Variants in DGKI observed in about 807,000 individuals in gnomAD.
DGKI encodes the protein DAG kinase iota.
In DGKI, 55 loss-of-function variants were observed where a neutral mutation model predicts 147.5. The observed-to-expected ratio is 0.37, with a 90% CI of 0.30 to 0.47. DGKI has a LOEUF of 0.47. DGKI is among the 20% of genes least tolerant of loss of function. The pLI, the probability that DGKI is intolerant of heterozygous loss-of-function variation, is 1.00. For synonymous variants in DGKI, 469 were observed against 477.1 expected, an observed-to-expected ratio of 0.98 and a Z score of 0.22; for missense variants, 1,007 against 1,323.8, an observed-to-expected ratio of 0.76 and a Z score of 3.71.
chr7:137,743,328 T>C (rs1374325967), intron 1 of DGKI, among the ~76,000 whole-genome samples: 1 of 152,182 alleles, frequency 6.6e-6, no homozygotes, highest in Non-Finnish European at 1.5e-5. Context: ...AGAAAATACA[T>C]TCTTCTCATC....
At chr7:137,433,215 A>T (rs560276479) in intron 28 of DGKI, among the ~76,000 whole-genome samples, 1 of 152,348 alleles carries the variant, frequency 6.6e-6, no homozygotes, top group Non-Finnish European at 1.5e-5. Flanking sequence ...GGCAAACAAA[A>T]ATGCAAACAA....
chr7:137,534,144 T>A (rs1817437960), intron 20 of DGKI, among the ~76,000 whole-genome samples: 1 of 152,018 alleles, frequency 6.6e-6, no homozygotes, highest in African/African-American at 2.4e-5. Context: ...CCAAAATAAT[T>A]GGATTATTTG....
rs146159043 is a variant in DGKI, at chr7:137,654,490, C to A, written c.738+242G>T. On this transcript the variant is annotated intron_variant, in intron 5 of 32. Coordinates refer to ENST00000614521, the MANE Select transcript of DGKI (RefSeq NM_001321708.2). ...TCTATCACTACCACCTTCCTCTAGT[C>A]TCTGGTTCATTTGGTAAGACCTTAA... is the stretch of plus-strand genomic sequence containing the variant. 8.5e-4 allele frequency among the ~76,000 whole-genome samples: 129 copies of A among 152,352 alleles called. No homozygotes were observed. The East Asian group carries it at 0.022, about 26-fold the overall frequency.
intron 30 of DGKI, among the ~76,000 whole-genome samples, chr7:137,404,855 G>A (rs957733139): frequency 1.3e-5 from 2 of 152,132 alleles, no homozygotes; most frequent in African/African-American, 4.8e-5. Flanking sequence ...GTCAATGCGG[G>A]GTGATGAGAA....
chr7:137,533,963 C>T (rs1330306503), intron 20 of DGKI, among the ~76,000 whole-genome samples: 1 of 152,070 alleles, frequency 6.6e-6, no homozygotes, highest in African/African-American at 2.4e-5. Flanking sequence ...AATGTAGCAT[C>T]AACGAGTACT....
At chr7:137,714,987 A>ATCCC (rs1312588414) in intron 1 of DGKI, among the ~76,000 whole-genome samples, 11 of 151,922 alleles carry the variant, frequency 7.2e-5, no homozygotes, top group Admixed American at 3.3e-4. Flanking sequence ...GTTATCCTCC[A>ATCCC]TCCCTCCTTC....
intron 15 of DGKI, 96 bp downstream of exon 15, chr7:137,581,754 T>G: frequency 9.6e-7 from 1 of 1,041,702 alleles, no homozygotes; most frequent in Non-Finnish European, 1.5e-6. Context: ...TGAAGCACAC[T>G]GTAAACGCGT....
At chr7:137,812,837 A>G (rs932502782) in intron 1 of DGKI, among the ~76,000 whole-genome samples, 1 of 152,198 alleles carries the variant, frequency 6.6e-6, no homozygotes, top group African/African-American at 2.4e-5. Flanking sequence ...TTTGTGTGAT[A>G]CTAATTAGGT....
chr7:137,428,287 C>A (rs1419593446), intron 28 of DGKI, among the ~76,000 whole-genome samples: 3 of 152,034 alleles, frequency 2.0e-5, no homozygotes, highest in Admixed American at 1.3e-4. Flanking sequence ...ATAAACAGAA[C>A]CAAAGACAAA....
rs998396008 is a variant in DGKI at position 137,727,966 on chromosome 7, C to T, written c.402-37964G>A. On this transcript the variant is annotated intron_variant, in intron 1 of 32. Coordinates refer to ENST00000614521, the MANE Select transcript of DGKI (RefSeq NM_001321708.2). ...TTGGAGACAATCATCACAAGACTAC[C>T]TATAATTGTGTGAACAAAATTTAGT... is the stretch of plus-strand genomic sequence containing the variant. 4.6e-5 allele frequency among the ~76,000 whole-genome samples: 7 copies of T among 152,100 alleles called. No individual in the cohort carries two copies. In the East Asian group the frequency reaches 1.4e-3, roughly 29 times the overall value.
At chr7:137,669,019 G>T (rs1259385270) in intron 3 of DGKI, among the ~76,000 whole-genome samples, 1 of 152,194 alleles carries the variant, frequency 6.6e-6, no homozygotes, top group East Asian at 1.9e-4. Flanking sequence ...ACAAGAAGCA[G>T]TATAATCCCA....
chr7:137,407,771 C>T, intron 30 of DGKI, 104 bp downstream of exon 30: 1 of 1,455,588 alleles, frequency 6.9e-7, no homozygotes, highest in Admixed American at 1.9e-5. Flanking sequence ...GAGAGTATTT[C>T]TGCCATTCTG....
At chr7:137,591,204 C>T (rs1819597293) in intron 12 of DGKI, among the ~76,000 whole-genome samples, 1 of 152,196 alleles carries the variant, frequency 6.6e-6, no homozygotes, top group Admixed American at 6.5e-5. Flanking sequence ...TGTAAAGGTG[C>T]TTCGCCTCTC....
At chr7:137,490,421 C>A (rs531335846) in intron 21 of DGKI, among the ~76,000 whole-genome samples, 4 of 152,124 alleles carry the variant, frequency 2.6e-5, no homozygotes, top group Non-Finnish European at 2.9e-5. Flanking sequence ...TTACTCTTTT[C>A]ACTATCTTTT....
intron 2 of DGKI, among the ~76,000 whole-genome samples, chr7:137,685,658 T>C (rs1250388619): frequency 6.6e-6 from 1 of 152,218 alleles, no homozygotes; most frequent in Non-Finnish European, 1.5e-5. Flanking sequence ...TTAACTTGTT[T>C]TACCCCAACT....
intron 6 of DGKI, among the ~76,000 whole-genome samples, chr7:137,634,918 G>GA (rs1821257783): frequency 1.3e-5 from 2 of 152,204 alleles, no homozygotes; most frequent in Non-Finnish European, 2.9e-5. Context: ...TATGTGAAAA[G>GA]ATAGGTGGCT....
chr7:137,516,128 T>G (rs928408590), intron 21 of DGKI, among the ~76,000 whole-genome samples: 6 of 152,006 alleles, frequency 3.9e-5, no homozygotes, highest in African/African-American at 1.2e-4. Context: ...CAATTTTAGA[T>G]GAAGCTATTG....
chr7:137,612,221 C>CTTT (rs551204704), intron 8 of DGKI, among the ~76,000 whole-genome samples: 50 of 113,938 alleles, frequency 4.4e-4, no homozygotes, highest in African/African-American at 6.9e-4. Context: ...ACAAAACGGG[C>CTTT]TTTTTTTTTT....
intron 1 of DGKI, among the ~76,000 whole-genome samples, chr7:137,700,362 T>C (rs527279547): frequency 6.6e-6 from 1 of 152,284 alleles, no homozygotes; most frequent in African/African-American, 2.4e-5. Context: ...GATGTGAAGG[T>C]ACCCAGAGAC....
Sources: gnomAD v4.1 joint callset for allele counts (sites outside exome capture counted in the v4.1 genomes callset) on GRCh38, gnomAD v4.1.1 for gene constraint, MANE v1.5 for transcripts, NCBI Gene and HGNC (gene_info 2026-07-23, HGNC 2026-07-21) for gene names.